Variants in MAST2 observed in about 807,000 individuals in gnomAD.
The protein encoded by MAST2 is microtubule-associated serine/threonine-protein kinase 2.
A neutral mutation model predicts 147.4 loss-of-function variants in MAST2; 70 were observed. The ratio of observed to expected loss-of-function variants is 0.47; its 90% confidence interval spans 0.39 to 0.58. MAST2 has a LOEUF of 0.58. MAST2 is among the 20% of genes least tolerant of loss of function. The probability of loss-of-function intolerance (pLI) is 0.00; values close to 1 mark genes in which losing one functional copy is unlikely to be tolerated. For synonymous variants in MAST2, 869 were observed against 896.8 expected (o/e 0.97, Z 0.55); for missense variants, 2,080 against 2,302.3 (o/e 0.90, Z 1.98).
rs1229068765 is a variant in MAST2 at position 45,821,285 on chromosome 1, C to G, written c.178-3148C>G. On this transcript the variant is annotated intron_variant, in intron 1 of 28. Coordinates refer to ENST00000361297, the MANE Select transcript of MAST2 (RefSeq NM_015112.3). ...CTACTCACTTCTGGACTCCACAGTTCTGATGAGATATGAGCTGTTCGTCTG... is the reference window on the plus strand; with the variant it reads ...CTACTCACTTCTGGACTCCACAGTTGTGATGAGATATGAGCTGTTCGTCTG... 3.9e-5 allele frequency among the ~76,000 whole-genome samples: 6 copies of G among 152,256 alleles called. No individual in the cohort carries two copies. The East Asian group carries it at 1.2e-3, about 29-fold the overall frequency.
At chr1:45,860,287 G>GGCAGGA (rs1338257554) in intron 3 of MAST2, among the ~76,000 whole-genome samples, 1 of 147,432 alleles carries the variant, frequency 6.8e-6, no homozygotes, top group African/African-American at 2.6e-5. Flanking sequence ...GGGAGGCTGA[G>GGCAGGA]GCAGGAGAAT....
intron 22 of MAST2, 104 bp downstream of exon 22, chr1:46,030,865 AGGGG>A: frequency 6.8e-7 from 1 of 1,473,054 alleles, no homozygotes. Flanking sequence ...GGTGGCAGGG[AGGGG>A]GCATTCACAA....
intron 5 of MAST2, among the ~76,000 whole-genome samples, chr1:45,974,225 A>C (rs1645107347): frequency 6.6e-6 from 1 of 152,146 alleles, no homozygotes; most frequent in Admixed American, 6.5e-5. Flanking sequence ...CTTCTCTAGG[A>C]ATAGGGGAGG....
chr1:45,948,812 T>C (rs1404926836), intron 4 of MAST2, among the ~76,000 whole-genome samples: 1 of 145,844 alleles, frequency 6.9e-6, no homozygotes, highest in Non-Finnish European at 1.5e-5. Context: ...CAAACTATAC[T>C]ACAGGGCTAC....
At chr1:45,876,032 A>G (rs566235042) in intron 3 of MAST2, among the ~76,000 whole-genome samples, 1 of 152,306 alleles carries the variant, frequency 6.6e-6, no homozygotes, top group South Asian at 2.1e-4. Flanking sequence ...AGGAAAAACA[A>G]GAGAATGTGG....
chr1:46,006,527 C>T, intron 8 of MAST2, 132 bp downstream of exon 8: 1 of 680,282 alleles, frequency 1.5e-6, no homozygotes, highest in Non-Finnish European at 2.2e-6. Flanking sequence ...CCATATATCT[C>T]TGTCACATTC....
Position 46,035,464 on chromosome 1 carries a change from G to T in MAST2, c.4795G>T (p.Gly1599Cys), listed in dbSNP as rs777556272. The change falls in exon 29 of 29, where the codon GGC becomes TGC. Residue 1599 changes from glycine (G) to cysteine (C), a missense_variant. Transcript: ENST00000361297. This position sits in a 1 kb window ranked among gnomAD's most constrained non-coding sequence, Gnocchi z 5.5. ...GGAGGCTGCCAGCTCCTCCTCAGCAGGCCCCAACCTAGGTCAGTCTGGAGC... is the reference window on the plus strand; with the variant it reads ...GGAGGCTGCCAGCTCCTCCTCAGCATGCCCCAACCTAGGTCAGTCTGGAGC... ...IEEAASSSSA[G>C]PNLGQSGATD... The T allele has an allele frequency of 3.1e-6, 5 of 1,613,276 alleles. No homozygotes were observed. The highest frequency in any genetic ancestry group is 1.6e-4 in the Middle Eastern group (1 of 6,062).
intron 10 of MAST2, among the ~76,000 whole-genome samples, chr1:46,016,615 T>TA (rs1645954584): frequency 6.6e-6 from 1 of 152,144 alleles, no homozygotes; most frequent in South Asian, 2.1e-4. Flanking sequence ...GAATCCAACT[T>TA]ACAAGGGACG....
chr1:46,029,672 G>T, intron 19 of MAST2, 105 bp downstream of exon 19: 1 of 1,372,556 alleles, frequency 7.3e-7, no homozygotes, highest in South Asian at 1.3e-5. Context: ...AGCCCCTCTG[G>T]ATCCTGAAAC....
chr1:45,981,367 T>G (rs934867215), intron 5 of MAST2, among the ~76,000 whole-genome samples: 2 of 146,408 alleles, frequency 1.4e-5, no homozygotes, highest in Non-Finnish European at 1.5e-5. Context: ...CCACTGTACC[T>G]GGCTGAGGCT....
chr1:45,932,658 G>A (rs1655499154), intron 4 of MAST2, among the ~76,000 whole-genome samples: 1 of 152,146 alleles, frequency 6.6e-6, no homozygotes, highest in Non-Finnish European at 1.5e-5. Context: ...GGGAGACAGA[G>A]TGAGACTCTG....
At chr1:45,962,519 C>T (rs1660575046) in intron 5 of MAST2, among the ~76,000 whole-genome samples, 2 of 152,182 alleles carry the variant, frequency 1.3e-5, no homozygotes, top group Non-Finnish European at 2.9e-5. Flanking sequence ...CTCTGATGGC[C>T]AGTGATGATG....
intron 4 of MAST2, among the ~76,000 whole-genome samples, chr1:45,926,100 A>AAG (rs948018296): frequency 4.6e-5 from 7 of 152,300 alleles, no homozygotes; most frequent in Non-Finnish European, 8.8e-5. Context: ...GTAATTTCAA[A>AAG]AGAGGAACAT....
rs1232462390 is a variant in MAST2, at chr1:46,033,836, T to C, written c.3572T>C (p.Leu1191Pro). ...AAGGTGGCCATTTCAACAACTCCCC[T>C]GGAGAACACATCCATTAAAGTGGGG... ...GNKVAISTTP[L>P]ENTSIKVGPA... is the part of the protein sequence containing the mutation. The change falls in exon 27 of 29, where the codon CTG (leucine) becomes CCG (proline). Residue 1191 changes from leucine (L) to proline (P), a missense_variant. Leu to Pro is a moderately conservative substitution (Grantham distance 98). Around this residue, in one of 4 missense-constraint regions of MAST2, gnomAD observed 1,278 missense variants for 1,304.2 expected, o/e 0.98. Transcript: ENST00000361297. The C allele has an allele frequency of 3.1e-6, 5 of 1,614,058 alleles. No homozygotes were observed. The Admixed American group carries it at 8.3e-5, about 27-fold the overall frequency.
chr1:45,844,875 G>A (rs1440838138), intron 3 of MAST2, among the ~76,000 whole-genome samples: 1 of 152,132 alleles, frequency 6.6e-6, no homozygotes, highest in Non-Finnish European at 1.5e-5. Flanking sequence ...TAGAGTTCTT[G>A]GGGCTCAGAA....
intron 3 of MAST2, among the ~76,000 whole-genome samples, chr1:45,879,250 A>G (rs755070266): frequency 4.6e-5 from 7 of 152,156 alleles, no homozygotes; most frequent in Non-Finnish European, 8.8e-5. Flanking sequence ...CATCTCACAT[A>G]CTACCTCAAA....
intron 9 of MAST2, among the ~76,000 whole-genome samples, chr1:46,010,096 T>A (rs913268302): frequency 6.6e-6 from 1 of 152,190 alleles, no homozygotes; most frequent in Admixed American, 6.6e-5. Flanking sequence ...ACAGGTTCAC[T>A]AAGCAGCTCT....
At chr1:45,985,257 G>A (rs1438523431) in intron 5 of MAST2, among the ~76,000 whole-genome samples, 1 of 151,182 alleles carries the variant, frequency 6.6e-6, no homozygotes, top group South Asian at 2.1e-4. Context: ...TTGTGTGTGT[G>A]TGTGTTTTTT....
intron 4 of MAST2, among the ~76,000 whole-genome samples, chr1:45,951,501 T>G (rs1465222631): frequency 6.6e-6 from 1 of 152,142 alleles, no homozygotes; most frequent in African/African-American, 2.4e-5. Context: ...GAGGATCACC[T>G]GAGCCCAGGA....
Sources: allele counts gnomAD v4.1 joint callset (sites outside exome capture counted in the v4.1 genomes callset), GRCh38; gene constraint gnomAD v4.1.1; regional missense constraint gnomAD v4.1.1; non-coding constraint Gnocchi (gnomAD v3.1); transcripts MANE v1.5; gene names NCBI Gene and HGNC (gene_info 2026-07-23, HGNC 2026-07-21).